Variants in SPMIP4 observed in about 807,000 individuals in gnomAD.
SPMIP4 encodes the protein sperm-associated microtubule inner protein 4.
At chr7:25,156,424 G>A in the SPMIP4 span, among the ~76,000 whole-genome samples, 1 of 152,142 alleles carries the variant, frequency 6.6e-6, no homozygotes, top group South Asian at 2.1e-4. Flanking sequence ...AACTGTTTAT[G>A]AAGAGAATTT....
the SPMIP4 span, among the ~76,000 whole-genome samples, chr7:25,138,926 A>G: frequency 6.6e-6 from 1 of 152,176 alleles, no homozygotes; most frequent in Non-Finnish European, 1.5e-5. This position sits in a 1 kb window ranked among gnomAD's most constrained non-coding sequence, Gnocchi z 6.2. Context: ...TATGAACTCA[A>G]TTATGTCTGG....
the SPMIP4 span, among the ~76,000 whole-genome samples, chr7:25,147,727 T>G: frequency 7.2e-5 from 11 of 152,362 alleles, no homozygotes; most frequent in African/African-American, 2.6e-4. Context: ...CAACAAAGTA[T>G]TATAACCATT....
chr7:25,175,962 C>T, the SPMIP4 span, among the ~76,000 whole-genome samples: 3 of 152,144 alleles, frequency 2.0e-5, no homozygotes, highest in Non-Finnish European at 2.9e-5. Context: ...ACATGATCAT[C>T]CTGGTTTTCT....
the SPMIP4 span, among the ~76,000 whole-genome samples, chr7:25,134,222 T>C: frequency 6.6e-6 from 1 of 151,462 alleles, no homozygotes; most frequent in African/African-American, 2.4e-5. Flanking sequence ...ATTGTACCAT[T>C]GCATTCCAGC....
chr7:25,149,615 C>T, the SPMIP4 span, among the ~76,000 whole-genome samples: 91,278 of 152,050 alleles, frequency 0.6, 28,498 homozygotes, highest in Non-Finnish European at 0.69. Context: ...ACACATAACA[C>T]ATTCTGTTCT....
chr7:25,145,570 G>C, the SPMIP4 span, among the ~76,000 whole-genome samples: 1 of 152,068 alleles, frequency 6.6e-6, no homozygotes, highest in Admixed American at 6.6e-5. Flanking sequence ...CTAAACTCAG[G>C]GTACAGTTTA....
chr7:25,138,603 C>G, the SPMIP4 span, among the ~76,000 whole-genome samples: 1 of 152,138 alleles, frequency 6.6e-6, no homozygotes, highest in Non-Finnish European at 1.5e-5. This position sits in a 1 kb window ranked among gnomAD's most constrained non-coding sequence, Gnocchi z 6.2. Flanking sequence ...ACTCCACAGT[C>G]ACCGTATAAT....
At chr7:25,179,760 T>C in the SPMIP4 span, 1 of 152,908 alleles carries the variant, frequency 6.5e-6, no homozygotes, top group Non-Finnish European at 1.5e-5. Flanking sequence ...CAAGAATCCC[T>C]TTGCAGATGG....
chr7:25,154,700 G>A, the SPMIP4 span, among the ~76,000 whole-genome samples: 6 of 152,032 alleles, frequency 3.9e-5, no homozygotes, highest in African/African-American at 1.5e-4. Context: ...AACCGTGAGA[G>A]CAGGAAAGAA....
At chr7:25,177,209 C>T in the SPMIP4 span, among the ~76,000 whole-genome samples, 4 of 152,134 alleles carry the variant, frequency 2.6e-5, no homozygotes, top group African/African-American at 4.8e-5. Flanking sequence ...GGTGACTTCC[C>T]GTCTGGTTTC....
At chr7:25,133,822 T>A in the SPMIP4 span, among the ~76,000 whole-genome samples, 1 of 152,202 alleles carries the variant, frequency 6.6e-6, no homozygotes, top group African/African-American at 2.4e-5. Context: ...ACTAGAACAT[T>A]TCAGCTTATC....
the SPMIP4 span, among the ~76,000 whole-genome samples, chr7:25,129,589 G>GGTACTGTGA: frequency 1.3e-5 from 2 of 152,130 alleles, no homozygotes; most frequent in Admixed American, 6.5e-5. Context: ...GTTAAAACCA[G>GGTACTGTGA]GTACTGTGAT....
chr7:25,132,797 A>G, the SPMIP4 span, among the ~76,000 whole-genome samples: 1 of 152,218 alleles, frequency 6.6e-6, no homozygotes, highest in African/African-American at 2.4e-5. The surrounding 1 kb of genome is among the most constrained non-coding windows in gnomAD (Gnocchi z 5.0). Flanking sequence ...GTATAACAAA[A>G]GTAAGTTTAG....
chr7:25,132,998 CCTT>C, the SPMIP4 span, among the ~76,000 whole-genome samples: 1 of 152,070 alleles, frequency 6.6e-6, no homozygotes, highest in African/African-American at 2.4e-5. This position sits in a 1 kb window ranked among gnomAD's most constrained non-coding sequence, Gnocchi z 5.0. Flanking sequence ...CAAATTAACT[CCTT>C]ATGTATGTTA....
the SPMIP4 span, chr7:25,136,943 C>T: frequency 3.8e-6 from 3 of 779,670 alleles, no homozygotes; most frequent in Non-Finnish European, 6.0e-6. The surrounding 1 kb of genome is among the most constrained non-coding windows in gnomAD (Gnocchi z 5.7). Context: ...AATTTAAAGA[C>T]ATTGAAATTT....
the SPMIP4 span, among the ~76,000 whole-genome samples, chr7:25,165,145 C>T: frequency 1.2e-4 from 18 of 152,278 alleles, no homozygotes; most frequent in African/African-American, 4.3e-4. Flanking sequence ...ATTATAACAC[C>T]AATGATAGCC....
the SPMIP4 span, among the ~76,000 whole-genome samples, chr7:25,128,817 C>T: frequency 9.9e-5 from 15 of 152,222 alleles, no homozygotes; most frequent in Admixed American, 8.5e-4. The surrounding 1 kb of genome is among the most constrained non-coding windows in gnomAD (Gnocchi z 4.5). Context: ...GCTACTACTA[C>T]TGATTATTCA....
the SPMIP4 span, among the ~76,000 whole-genome samples, chr7:25,127,494 G>A: frequency 2.6e-5 from 4 of 152,146 alleles, no homozygotes; most frequent in East Asian, 3.9e-4. Flanking sequence ...TTTTTAGTAC[G>A]TTAATTGGAT....
the SPMIP4 span, among the ~76,000 whole-genome samples, chr7:25,156,608 G>A: frequency 5.1e-3 from 778 of 152,234 alleles, 9 homozygotes; most frequent in African/African-American, 0.018. Flanking sequence ...CCTGTGGCAC[G>A]GAGGATACTG....
Sources: gnomAD v4.1 joint callset for allele counts (sites outside exome capture counted in the v4.1 genomes callset) on GRCh38, gnomAD v4.1.1 for gene constraint, Gnocchi (gnomAD v3.1) non-coding constraint, MANE v1.5 for transcripts, NCBI Gene and HGNC (gene_info 2026-07-23, HGNC 2026-07-21) for gene names.